WNT3: variants seen among roughly 807,000 people sequenced by gnomAD.
WNT3 encodes the protein proto-oncogene Wnt-3.
A neutral mutation model predicts 34.2 loss-of-function variants in WNT3; 7 were observed. The ratio of observed to expected loss-of-function variants is 0.20; its 90% CI spans 0.12 to 0.38. WNT3 has a LOEUF of 0.38. WNT3 is among the 10% of genes least tolerant of loss of function. WNT3 has a pLI of 1.00. For synonymous variants in WNT3, 212 were observed against 211.5 expected, an observed-to-expected ratio of 1.00 and a Z score of -0.02; for missense variants, 267 against 499.8, an observed-to-expected ratio of 0.53 and a Z score of 4.44.
intron 1 of WNT3, among the ~76,000 whole-genome samples, chr17:46,793,055 A>G (rs572745349): frequency 6.6e-6 from 1 of 151,638 alleles, no homozygotes; most frequent in Non-Finnish European, 1.5e-5. Flanking sequence ...ACTTGAGCTC[A>G]GGTGTTCAAG....
intron 1 of WNT3, among the ~76,000 whole-genome samples, chr17:46,810,173 A>C (rs1359811494): frequency 2.6e-5 from 4 of 151,460 alleles, no homozygotes; most frequent in African/African-American, 9.7e-5. Flanking sequence ...CGCCCAGCTA[A>C]TTTTTTGTAT....
chr17:46,780,115 G>A (rs1242805494), intron 1 of WNT3, among the ~76,000 whole-genome samples: 2 of 152,218 alleles, frequency 1.3e-5, no homozygotes, highest in East Asian at 3.8e-4. Flanking sequence ...CCTGGATGCT[G>A]CATTGACTTA....
intron 1 of WNT3, among the ~76,000 whole-genome samples, chr17:46,806,791 C>T (rs1464149447): frequency 1.3e-5 from 2 of 152,218 alleles, no homozygotes; most frequent in Non-Finnish European, 2.9e-5. Flanking sequence ...TGTGAGGACA[C>T]CTTGCTGGGT....
intron 1 of WNT3, among the ~76,000 whole-genome samples, chr17:46,783,717 G>A (rs911264689): frequency 2.6e-5 from 4 of 152,206 alleles, no homozygotes; most frequent in African/African-American, 9.6e-5. Flanking sequence ...AGCAGCTACC[G>A]AGCTGGAGAA....
intron 1 of WNT3, among the ~76,000 whole-genome samples, chr17:46,812,333 C>A (rs369744600): frequency 2.0e-5 from 3 of 152,178 alleles, no homozygotes; most frequent in East Asian, 3.9e-4. Flanking sequence ...CCTCCACCCC[C>A]CTACCCCCGC....
intron 1 of WNT3, among the ~76,000 whole-genome samples, chr17:46,814,052 C>G (rs1392016457): frequency 6.6e-6 from 1 of 152,210 alleles, no homozygotes; most frequent in African/African-American, 2.4e-5. Flanking sequence ...CAGCTCCTGC[C>G]TCTTTTGACC....
At chr17:46,769,401 T>C (rs148639599) in intron 3 of WNT3, among the ~76,000 whole-genome samples, 1,767 of 152,010 alleles carry the variant, frequency 0.012, 15 homozygotes, top group Middle Eastern at 0.024. Flanking sequence ...GGCTGGGAAC[T>C]TAACGTGACT....
intron 1 of WNT3, among the ~76,000 whole-genome samples, chr17:46,795,357 C>T (rs556479683): frequency 1.3e-5 from 2 of 152,206 alleles, no homozygotes; most frequent in Non-Finnish European, 2.9e-5. Context: ...GGAAAGCAGA[C>T]AGCTGACCCT....
chr17:46,778,079 C>T (rs888517307), intron 1 of WNT3, among the ~76,000 whole-genome samples: 1 of 152,212 alleles, frequency 6.6e-6, no homozygotes, highest in Admixed American at 6.5e-5. Context: ...CAGTGCATGG[C>T]ACGTGGGGAG....
At chr17:46,773,144 G>A (rs942879024) in intron 2 of WNT3, among the ~76,000 whole-genome samples, 1 of 152,074 alleles carries the variant, frequency 6.6e-6, no homozygotes, top group Non-Finnish European at 1.5e-5. Context: ...GTTACCCAGA[G>A]GCCAGTGCAC....
chr17:46,817,219 G>A (rs1487640348), intron 1 of WNT3, among the ~76,000 whole-genome samples: 1 of 152,154 alleles, frequency 6.6e-6, no homozygotes, highest in Non-Finnish European at 1.5e-5. Flanking sequence ...CGCTGTCTCT[G>A]CTCCTCCTAC....
chr17:46,801,912 T>G (rs530285409), intron 1 of WNT3, among the ~76,000 whole-genome samples: 2 of 152,300 alleles, frequency 1.3e-5, no homozygotes, highest in Non-Finnish European at 2.9e-5. Flanking sequence ...CCCTAAGGCC[T>G]GGCTGTAGCA....
chr17:46,791,929 A>C (rs2083992819), intron 1 of WNT3, among the ~76,000 whole-genome samples: 1 of 152,152 alleles, frequency 6.6e-6, no homozygotes, highest in Non-Finnish European at 1.5e-5. Flanking sequence ...AGTCCCAGCT[A>C]CTGGGGAGAC....
intron 1 of WNT3, among the ~76,000 whole-genome samples, chr17:46,780,657 C>T (rs1002403300): frequency 1.3e-5 from 2 of 152,042 alleles, no homozygotes; most frequent in African/African-American, 4.8e-5. Flanking sequence ...GCGCCTGTAG[C>T]CCCAGCTACT....
intron 1 of WNT3, among the ~76,000 whole-genome samples, chr17:46,805,644 G>A (rs570885027): frequency 6.6e-6 from 1 of 152,152 alleles, no homozygotes; most frequent in Non-Finnish European, 1.5e-5. Flanking sequence ...TTAGTGATTT[G>A]GCAATCTAAG....
At chr17:46,778,636 G>A (rs909838058) in intron 1 of WNT3, among the ~76,000 whole-genome samples, 1 of 152,062 alleles carries the variant, frequency 6.6e-6, no homozygotes, top group Admixed American at 6.5e-5. Context: ...GTTCCACTTC[G>A]GGAGGCGGCA....
chr17:46,784,981 G>A (rs199502), intron 1 of WNT3, among the ~76,000 whole-genome samples: 28,841 of 151,942 alleles, frequency 0.19, 3,517 homozygotes, highest in East Asian at 0.5. Context: ...GTTTCACTGT[G>A]TTAGCCAGGA....
At chr17:46,767,701 A>G (rs1442339975) in intron 4 of WNT3, among the ~76,000 whole-genome samples, 1 of 152,220 alleles carries the variant, frequency 6.6e-6, no homozygotes, top group East Asian at 1.9e-4. Flanking sequence ...CAAAAATTTG[A>G]TCTGGCTCAT....
intron 1 of WNT3, among the ~76,000 whole-genome samples, chr17:46,786,303 C>T (rs1412950640): frequency 7.9e-5 from 12 of 152,120 alleles, no homozygotes; most frequent in Non-Finnish European, 1.5e-5. Context: ...GGGTCCTGCA[C>T]CCCTGGCCTG....
Sources: gnomAD v4.1 joint callset for allele counts (sites outside exome capture counted in the v4.1 genomes callset) on GRCh38, gnomAD v4.1.1 for gene constraint, MANE v1.5 for transcripts, NCBI Gene and HGNC (gene_info 2026-07-23, HGNC 2026-07-21) for gene names.